The following CDYL variants were observed in gnomAD, a reference collection of about 807,000 sequenced individuals.
CDYL encodes the protein chromodomain Y-like protein.
A neutral mutation model predicts 47.3 loss-of-function variants in CDYL; 8 were observed. That is an observed-to-expected ratio of 0.17 (90% CI 0.10 to 0.31). The LOEUF (loss-of-function observed/expected upper bound fraction) is 0.31, where lower values mean the gene tolerates loss of function less well. CDYL is among the 10% of genes least tolerant of loss of function. The probability of loss-of-function intolerance (pLI) is 1.00; values close to 1 mark genes in which losing one functional copy is unlikely to be tolerated. For missense variants in CDYL, 471 were observed against 701.4 expected, an observed-to-expected ratio of 0.67 and a Z score of 3.71; for synonymous variants, 266 against 265.0, an observed-to-expected ratio of 1.00 and a Z score of -0.04.
At chr6:4,950,825 A>G (rs1187617255) in intron 5 of CDYL, among the ~76,000 whole-genome samples, 1 of 151,748 alleles carries the variant, frequency 6.6e-6, no homozygotes, top group Non-Finnish European at 1.5e-5. Flanking sequence ...CCAGCTACTC[A>G]CGAGGCTGAG....
chr6:4,820,385 A>G (rs1036484360), intron 1 of CDYL, among the ~76,000 whole-genome samples: 6 of 152,128 alleles, frequency 3.9e-5, no homozygotes, highest in African/African-American at 1.4e-4. Flanking sequence ...CTCCCTCCTC[A>G]CAGCAAAGTT....
intron 1 of CDYL, among the ~76,000 whole-genome samples, chr6:4,885,563 C>T (rs895506181): frequency 6.6e-6 from 1 of 152,184 alleles, no homozygotes; most frequent in Non-Finnish European, 1.5e-5. Context: ...CACTGTTTCT[C>T]TGATGAGGAC....
chr6:4,874,766 C>G (rs1374082918), intron 1 of CDYL, among the ~76,000 whole-genome samples: 1 of 152,208 alleles, frequency 6.6e-6, no homozygotes, highest in Non-Finnish European at 1.5e-5. Flanking sequence ...TGTCCCTTTC[C>G]ACAGGTGGGT....
At chr6:4,726,121 C>A (rs902568157) in intron 2 of CDYL, among the ~76,000 whole-genome samples, 14 of 152,126 alleles carry the variant, frequency 9.2e-5, no homozygotes, top group African/African-American at 3.4e-4. Flanking sequence ...GGTTAAAATT[C>A]TAATAAATGG....
At chr6:4,739,018 G>A (rs553354470) in intron 3 of CDYL, among the ~76,000 whole-genome samples, 2 of 152,022 alleles carry the variant, frequency 1.3e-5, no homozygotes, top group South Asian at 2.1e-4. Flanking sequence ...AAAATTAGCC[G>A]GGCGTGGTGG....
chr6:4,750,732 C>G (rs557295041), intron 3 of CDYL, among the ~76,000 whole-genome samples: 2 of 151,976 alleles, frequency 1.3e-5, no homozygotes, highest in Admixed American at 6.5e-5. Context: ...AGATTCTGTA[C>G]ATACTGTAAG....
intron 1 of CDYL, among the ~76,000 whole-genome samples, chr6:4,857,789 G>T (rs766617163): frequency 4.6e-5 from 7 of 152,168 alleles, no homozygotes; most frequent in Non-Finnish European, 1.0e-4. Flanking sequence ...ATGTGTCCCA[G>T]GTCTTCCATT....
At chr6:4,934,801 C>T (rs759617266) in intron 2 of CDYL, among the ~76,000 whole-genome samples, 1 of 152,084 alleles carries the variant, frequency 6.6e-6, no homozygotes, top group Admixed American at 6.5e-5. Flanking sequence ...ATCTCAAGAC[C>T]CTGGCAAAAC....
chr6:4,710,418 C>A (rs1041282339), intron 1 of CDYL, among the ~76,000 whole-genome samples: 2 of 94,336 alleles, frequency 2.1e-5, no homozygotes, highest in African/African-American at 6.6e-5. Flanking sequence ...CATTTAGATC[C>A]CCTTTCCAGA....
intron 1 of CDYL, among the ~76,000 whole-genome samples, chr6:4,855,935 T>C (rs1760994229): frequency 6.6e-6 from 1 of 152,236 alleles, no homozygotes. Context: ...GTTCTTATGC[T>C]CATTGTCCAT....
intron 1 of CDYL, among the ~76,000 whole-genome samples, chr6:4,825,372 G>C (rs1384657758): frequency 1.3e-5 from 2 of 152,140 alleles, no homozygotes; most frequent in African/African-American, 4.8e-5. Context: ...AATGAGTAGT[G>C]ATAGTTTTAC....
intron 2 of CDYL, among the ~76,000 whole-genome samples, chr6:4,927,517 A>C (rs1037919688): frequency 1.3e-5 from 2 of 150,300 alleles, no homozygotes; most frequent in Admixed American, 6.7e-5. Flanking sequence ...GTGTGATCTC[A>C]GCTCACTGCT....
rs112916903 is a variant in CDYL, at chr6:4,797,248, C to T, written c.24+20441C>T. 4.1e-3 allele frequency among the ~76,000 whole-genome samples: 627 copies of T among 152,196 alleles called. 3 individuals are homozygous for T. The highest frequency in any genetic ancestry group is 0.014 in the African/African-American group (585 of 41,522). On this transcript the variant is annotated intron_variant, in intron 1 of 6. Coordinates refer to ENST00000397588, the MANE Select transcript of CDYL (RefSeq NM_004824.4). ...TTAACTCTTCATTCTAATCTGTAAT[C>T]TTACCCTCCACTAGATTAATTTTAA...
At chr6:4,893,273 C>T (rs576188472) in intron 2 of CDYL, among the ~76,000 whole-genome samples, 40 of 152,342 alleles carry the variant, frequency 2.6e-4, no homozygotes, top group African/African-American at 8.2e-4. Flanking sequence ...ACCTGGCGCT[C>T]CGCTGCCCTC....
At chr6:4,828,144 G>A (rs1302390371) in intron 1 of CDYL, among the ~76,000 whole-genome samples, 1 of 151,312 alleles carries the variant, frequency 6.6e-6, no homozygotes, top group African/African-American at 2.4e-5. Context: ...TAGTGGTGAT[G>A]AACTTCCTCA....
chr6:4,939,690 G>A (rs1434957248), intron 4 of CDYL, among the ~76,000 whole-genome samples: 1 of 152,166 alleles, frequency 6.6e-6, no homozygotes, highest in Non-Finnish European at 1.5e-5. Flanking sequence ...TAAACTGCTT[G>A]ATCAGTGTCA....
intron 2 of CDYL, among the ~76,000 whole-genome samples, chr6:4,726,531 C>CAAAAA (rs58148317): frequency 7.0e-5 from 7 of 100,344 alleles, no homozygotes; most frequent in East Asian, 2.8e-4. Flanking sequence ...GACTCTGTCT[C>CAAAAA]AAAAAAAAAA....
intron 3 of CDYL, chr6:4,734,899 C>T: frequency 6.2e-7 from 1 of 1,607,388 alleles, no homozygotes. Flanking sequence ...CAAGGAAGAG[C>T]CCATAGGGGA....
chr6:4,896,424 C>T (rs1403931625), intron 2 of CDYL, among the ~76,000 whole-genome samples: 3 of 152,108 alleles, frequency 2.0e-5, no homozygotes, highest in African/African-American at 7.2e-5. Context: ...AGTCGGTGCT[C>T]TGCAAGTACT....
Sources: gnomAD v4.1 joint callset for allele counts (sites outside exome capture counted in the v4.1 genomes callset) on GRCh38, gnomAD v4.1.1 for gene constraint, MANE v1.5 for transcripts, NCBI Gene and HGNC (gene_info 2026-07-23, HGNC 2026-07-21) for gene names.